The following ARHGAP10 variants were observed in gnomAD, a reference collection of about 807,000 sequenced individuals.
The protein encoded by ARHGAP10 is Rho GTPase activating protein 10, also known as rho GTPase-activating protein 10.
ARHGAP10 carries 87 observed loss-of-function variants against 108.6 expected under a neutral mutation model. The observed-to-expected ratio is 0.80, with a 90% CI of 0.67 to 0.96. The LOEUF is 0.96. Ranked by LOEUF, ARHGAP10 falls within the 40% of genes least tolerant of loss-of-function variation. The probability of loss-of-function intolerance (pLI) is 0.00; values close to 1 mark genes in which losing one functional copy is unlikely to be tolerated. For missense variants in ARHGAP10, 939 were observed against 954.5 expected, an observed-to-expected ratio of 0.98 and a Z score of 0.21; for synonymous variants, 347 against 341.1, an observed-to-expected ratio of 1.02 and a Z score of -0.19.
intron 19 of ARHGAP10, among the ~76,000 whole-genome samples, chr4:148,024,231 GC>G (rs1183710838): frequency 6.6e-6 from 1 of 152,190 alleles, no homozygotes; most frequent in African/African-American, 2.4e-5. Flanking sequence ...GTGTTGTGAG[GC>G]CTTCCTCTTA....
intron 18 of ARHGAP10, among the ~76,000 whole-genome samples, chr4:148,022,119 A>G (rs1227634744): frequency 6.6e-6 from 1 of 152,240 alleles, no homozygotes; most frequent in Non-Finnish European, 1.5e-5. Context: ...TATAAAAAAT[A>G]TAAAACAGTG....
intron 18 of ARHGAP10, among the ~76,000 whole-genome samples, chr4:148,016,311 C>G (rs1741344761): frequency 6.6e-6 from 1 of 151,960 alleles, no homozygotes; most frequent in African/African-American, 2.4e-5. Flanking sequence ...TGAGATTAGC[C>G]TGGGTAACAA....
In ARHGAP10 at chr4:147,891,384, A is replaced by G. The variant is rs373236657; in HGVS notation, c.1034+9452A>G. On this transcript the variant is annotated intron_variant, in intron 10 of 22. Coordinates refer to ENST00000336498, the MANE Select transcript of ARHGAP10 (RefSeq NM_024605.4). Reference sequence around the variant, plus strand: ...TGTATATATGATTCCATTTATATGAAATGTGCAGGACAGACACATCTATAT... The same window carrying G: ...TGTATATATGATTCCATTTATATGAGATGTGCAGGACAGACACATCTATAT... 2.8e-4 allele frequency among the ~76,000 whole-genome samples: 42 copies of G among 152,362 alleles called. No homozygotes were observed. The South Asian group carries it at 7.9e-3, about 29-fold the overall frequency.
intron 1 of ARHGAP10, among the ~76,000 whole-genome samples, chr4:147,766,581 T>TATGTGTATACATACACATATAC (rs1654522573): frequency 2.7e-5 from 4 of 145,872 alleles, no homozygotes; most frequent in Admixed American, 6.9e-5. Flanking sequence ...TGTGTATATA[T>TATGTGTATACATACACATATAC]ACACATACAT....
intron 10 of ARHGAP10, among the ~76,000 whole-genome samples, chr4:147,893,613 CTA>C (rs1184210850): frequency 3.4e-5 from 5 of 147,010 alleles, no homozygotes; most frequent in Non-Finnish European, 6.0e-5. Context: ...ATATATAGAA[CTA>C]TATATATATA....
intron 3 of ARHGAP10, among the ~76,000 whole-genome samples, chr4:147,824,609 G>A (rs1732632584): frequency 2.0e-5 from 3 of 152,078 alleles, no homozygotes; most frequent in Non-Finnish European, 2.9e-5. Flanking sequence ...GGTGGTGGAA[G>A]GCAAAGGAGA....
At chr4:147,981,903 A>G (rs920409183) in intron 18 of ARHGAP10, among the ~76,000 whole-genome samples, 4 of 151,996 alleles carry the variant, frequency 2.6e-5, no homozygotes, top group Non-Finnish European at 5.9e-5. Flanking sequence ...TTTCGATTCC[A>G]TTTGTGTGGT....
chr4:147,735,276 T>A (rs1419375875), intron 1 of ARHGAP10, among the ~76,000 whole-genome samples: 1 of 152,236 alleles, frequency 6.6e-6, no homozygotes, highest in Non-Finnish European at 1.5e-5. Flanking sequence ...TCCTGCACTG[T>A]GCTAAATTCT....
intron 1 of ARHGAP10, among the ~76,000 whole-genome samples, chr4:147,803,327 T>A (rs989062299): frequency 3.9e-5 from 6 of 152,208 alleles, no homozygotes; most frequent in African/African-American, 1.4e-4. Flanking sequence ...TTTCTTTTTT[T>A]ATTGATACAT....
chr4:147,856,439 C>G (rs971295352), intron 4 of ARHGAP10, among the ~76,000 whole-genome samples: 1 of 152,194 alleles, frequency 6.6e-6, no homozygotes, highest in African/African-American at 2.4e-5. Context: ...ACAGGTCGAT[C>G]ATCCTGAATC....
At chr4:147,979,475 C>T (rs193165327) in intron 18 of ARHGAP10, among the ~76,000 whole-genome samples, 23 of 151,980 alleles carry the variant, frequency 1.5e-4, no homozygotes, top group African/African-American at 2.4e-4. Context: ...TGTTTGAAGC[C>T]GGCTTTGTTC....
intron 1 of ARHGAP10, among the ~76,000 whole-genome samples, chr4:147,805,339 T>C (rs1731740461): frequency 6.6e-6 from 1 of 152,230 alleles, no homozygotes; most frequent in East Asian, 1.9e-4. Context: ...TCTGTGTGTC[T>C]TTGTACCAGT....
intron 19 of ARHGAP10, among the ~76,000 whole-genome samples, chr4:148,028,208 T>C (rs1007090362): frequency 1.3e-5 from 2 of 152,120 alleles, no homozygotes; most frequent in African/African-American, 4.8e-5. Context: ...GTAGCGTGAC[T>C]GAGGCATGGC....
chr4:147,811,530 G>A (rs1732018238), intron 1 of ARHGAP10, among the ~76,000 whole-genome samples: 1 of 151,778 alleles, frequency 6.6e-6, no homozygotes, highest in Admixed American at 6.6e-5. Context: ...TTACTTAAAA[G>A]CAGTTTATGC....
At chr4:147,913,286 C>A in intron 13 of ARHGAP10, 147 bp downstream of exon 13, 2 of 707,690 alleles carry the variant, frequency 2.8e-6, no homozygotes, top group Non-Finnish European at 4.8e-6. Context: ...ATCAGTTATT[C>A]ATTTACTATG....
intron 18 of ARHGAP10, among the ~76,000 whole-genome samples, chr4:148,000,647 T>C (rs907795828): frequency 1.3e-5 from 2 of 152,236 alleles, no homozygotes; most frequent in South Asian, 2.1e-4. Flanking sequence ...TATCTCATTG[T>C]GGTTTTGATT....
chr4:147,925,324 A>G (rs1737420244), intron 13 of ARHGAP10, among the ~76,000 whole-genome samples: 1 of 152,208 alleles, frequency 6.6e-6, no homozygotes, highest in African/African-American at 2.4e-5. Context: ...CAGCAGCGAG[A>G]CACAACATTA....
chr4:147,946,429 A>C (rs1395809435), intron 14 of ARHGAP10, 188 bp from the exon 15 acceptor site: 7 of 483,616 alleles, frequency 1.4e-5, no homozygotes, highest in African/African-American at 1.4e-4. Flanking sequence ...GATTTTACGA[A>C]GTGCCAGAAG....
At chr4:147,912,589 ATATATATAT>A in intron 12 of ARHGAP10, among the ~76,000 whole-genome samples, 4 of 125,674 alleles carry the variant, frequency 3.2e-5, no homozygotes, top group Non-Finnish European at 6.3e-5. Flanking sequence ...ATATATATAT[ATATATATAT>A]AAAATTCCTG....
Sources: gnomAD v4.1 joint callset for allele counts (sites outside exome capture counted in the v4.1 genomes callset) on GRCh38, gnomAD v4.1.1 for gene constraint, MANE v1.5 for transcripts, NCBI Gene and HGNC (gene_info 2026-07-23, HGNC 2026-07-21) for gene names.